GREM2: variants seen among roughly 807,000 people sequenced by gnomAD.
GREM2 encodes the protein gremlin 2, DAN family BMP antagonist.
GREM2 carries 11 observed loss-of-function variants against 14.2 expected under a neutral mutation model. The observed-to-expected ratio is 0.78, with a 90% CI of 0.49 to 1.28. The LOEUF (loss-of-function observed/expected upper bound fraction) is 1.28. Among genes scored for constraint, GREM2 ranks in the 50% most tolerant of loss-of-function variants. The probability of loss-of-function intolerance (pLI) is 0.00; values close to 1 mark genes in which losing one functional copy is unlikely to be tolerated. For missense variants in GREM2, 210 were observed against 218.5 expected (o/e 0.96, Z 0.24); for synonymous variants, 98 against 97.6 (o/e 1.00, Z -0.02).
chr1:240,532,867 G>A (rs931168916), intron 1 of GREM2, among the ~76,000 whole-genome samples: 5 of 152,188 alleles, frequency 3.3e-5, no homozygotes, highest in Admixed American at 1.3e-4. Context: ...GCACTTTACT[G>A]GCTATAGCAT....
chr1:240,520,412 G>A (rs1678057529), intron 1 of GREM2, among the ~76,000 whole-genome samples: 1 of 152,174 alleles, frequency 6.6e-6, no homozygotes, highest in Non-Finnish European at 1.5e-5. Flanking sequence ...GGCTGAATGA[G>A]GCTTTGGGAC....
chr1:240,500,446 C>T (rs1677545220), intron 1 of GREM2, among the ~76,000 whole-genome samples: 1 of 151,984 alleles, frequency 6.6e-6, no homozygotes, highest in African/African-American at 2.4e-5. Flanking sequence ...CTACAGGCAC[C>T]CACCACCACA....
intron 1 of GREM2, among the ~76,000 whole-genome samples, chr1:240,521,959 A>C (rs571794562): frequency 6.6e-6 from 1 of 151,010 alleles, no homozygotes; most frequent in African/African-American, 2.4e-5. Flanking sequence ...CAAAAAAAAA[A>C]TTTTTTTTTA....
In GREM2 at chr1:240,543,782, G is replaced by A. The variant is rs1678653076; in HGVS notation, c.-1-50306C>T. 6.6e-6 allele frequency among the ~76,000 whole-genome samples: 1 copy of A among 152,124 alleles called. No homozygotes were observed. Among genetic ancestry groups the A allele is most frequent in the African/African-American group, 2.4e-5 (1 of 41,424 alleles). ...TACTAAGTAATTATATTTCAAAAGGGATTGATATACAGGCCTAACGCTATT... is the reference window on the plus strand; with the variant it reads ...TACTAAGTAATTATATTTCAAAAGGAATTGATATACAGGCCTAACGCTATT... On this transcript the variant is annotated intron_variant, in intron 1 of 1. Coordinates refer to ENST00000318160, the MANE Select transcript of GREM2 (RefSeq NM_022469.4). This position sits in a 1 kb window ranked among gnomAD's most constrained non-coding sequence, Gnocchi z 6.4.
chr1:240,582,871 C>T (rs1037747829), intron 1 of GREM2, among the ~76,000 whole-genome samples: 1 of 147,354 alleles, frequency 6.8e-6, no homozygotes, highest in African/African-American at 2.6e-5. Flanking sequence ...TTTTAAAGTA[C>T]GTAGCTATTA....
intron 1 of GREM2, among the ~76,000 whole-genome samples, chr1:240,507,794 G>T: frequency 6.7e-6 from 1 of 149,228 alleles, no homozygotes; most frequent in East Asian, 2.0e-4. Flanking sequence ...AGGAGGGTGG[G>T]GGTGGGAGGG....
At chr1:240,500,624 A>T (rs1025042565) in intron 1 of GREM2, among the ~76,000 whole-genome samples, 3 of 152,180 alleles carry the variant, frequency 2.0e-5, no homozygotes, top group African/African-American at 7.2e-5. Context: ...TACATAAATT[A>T]TATCACACTC....
chr1:240,520,084 A>AAATAAAATAAAAT (rs1189941157), intron 1 of GREM2, among the ~76,000 whole-genome samples: 1 of 151,258 alleles, frequency 6.6e-6, no homozygotes, highest in Non-Finnish European at 1.5e-5. Flanking sequence ...CCATCCCAAA[A>AAATAAAATAAAAT]AATAAAATAA....
intron 1 of GREM2, among the ~76,000 whole-genome samples, chr1:240,496,436 T>C (rs2152555): frequency 0.18 from 27,096 of 152,202 alleles, 2,863 homozygotes; most frequent in East Asian, 0.34. Flanking sequence ...CTTGGCCTTC[T>C]TCCTCACAGT....
chr1:240,541,559 G>A (rs1383986308), intron 1 of GREM2, among the ~76,000 whole-genome samples: 2 of 152,042 alleles, frequency 1.3e-5, no homozygotes, highest in Non-Finnish European at 2.9e-5. Context: ...GCTGTCTTTT[G>A]TGTCAATTAT....
chr1:240,545,963 T>G (rs868382296), intron 1 of GREM2, among the ~76,000 whole-genome samples: 1 of 152,198 alleles, frequency 6.6e-6, no homozygotes, highest in African/African-American at 2.4e-5. Flanking sequence ...TAAATAATGT[T>G]TAATACAGAA....
chr1:240,520,082 A>AAAAATAAAATT (rs1678047122), intron 1 of GREM2, among the ~76,000 whole-genome samples: 1 of 144,246 alleles, frequency 6.9e-6, no homozygotes, highest in Non-Finnish European at 1.5e-5. Flanking sequence ...CTCCATCCCA[A>AAAAATAAAATT]AAAATAAAAT....
At chr1:240,562,905 T>C (rs1679082133) in intron 1 of GREM2, among the ~76,000 whole-genome samples, 1 of 150,234 alleles carries the variant, frequency 6.7e-6, no homozygotes, top group Non-Finnish European at 1.5e-5. Flanking sequence ...TATGTGTGTA[T>C]GTATGTCTGT....
At chr1:240,589,995 T>C (rs1679674886) in intron 1 of GREM2, among the ~76,000 whole-genome samples, 1 of 151,998 alleles carries the variant, frequency 6.6e-6, no homozygotes, top group African/African-American at 2.4e-5. Flanking sequence ...GGAGGGGTGG[T>C]TGGCTCCCAG....
chr1:240,531,742 C>A, intron 1 of GREM2: 3 of 940,444 alleles, frequency 3.2e-6, no homozygotes, highest in Non-Finnish European at 3.8e-6. Flanking sequence ...CAGTTTTGCT[C>A]TTGTTGCCCA....
At chr1:240,552,785 A>C (rs945615152) in intron 1 of GREM2, among the ~76,000 whole-genome samples, 2 of 152,204 alleles carry the variant, frequency 1.3e-5, no homozygotes, top group African/African-American at 4.8e-5. Flanking sequence ...GCATCTTAGA[A>C]GATGCTGTAC....
chr1:240,545,746 C>T (rs2103331304), intron 1 of GREM2, among the ~76,000 whole-genome samples: 1 of 152,272 alleles, frequency 6.6e-6, no homozygotes, highest in African/African-American at 2.4e-5. Context: ...GGAAAAGCCC[C>T]ACACGTCTGG....
chr1:240,593,014 G>C (rs1300287836), intron 1 of GREM2, among the ~76,000 whole-genome samples: 1 of 151,766 alleles, frequency 6.6e-6, no homozygotes, highest in Non-Finnish European at 1.5e-5. Flanking sequence ...CATGGTAGTG[G>C]GCGCCTGTAA....
At chr1:240,577,952 G>C (rs913962306) in intron 1 of GREM2, among the ~76,000 whole-genome samples, 1 of 152,166 alleles carries the variant, frequency 6.6e-6, no homozygotes, top group Non-Finnish European at 1.5e-5. Flanking sequence ...CTTGAGAGCA[G>C]TTCATTAATC....
Sources: allele counts gnomAD v4.1 joint callset (sites outside exome capture counted in the v4.1 genomes callset), GRCh38; gene constraint gnomAD v4.1.1; non-coding constraint Gnocchi (gnomAD v3.1); transcripts MANE v1.5; gene names NCBI Gene and HGNC (gene_info 2026-07-23, HGNC 2026-07-21).